Variants in BRINP3 observed in about 807,000 individuals in gnomAD.
BRINP3 encodes BMP/retinoic acid-inducible neural-specific protein 3.
Under a neutral mutation model 71.0 loss-of-function variants are expected in BRINP3, and 19 were observed. That is an observed-to-expected ratio of 0.27 (90% CI 0.19 to 0.39). BRINP3 has a LOEUF of 0.39. Among genes scored for constraint, BRINP3 ranks in the 10% least tolerant of loss-of-function variants. The pLI, the probability that BRINP3 is intolerant of heterozygous loss-of-function variation, is 1.00. For synonymous variants in BRINP3, 380 were observed against 337.7 expected (o/e 1.13, Z -1.37); for missense variants, 959 against 940.8 (o/e 1.02, Z -0.25).
At position 190,346,551 on chromosome 1, in the gene BRINP3, T is replaced by C. The variant is rs559346583; in HGVS notation, c.237-64801A>G. On this transcript the variant is annotated intron_variant, in intron 2 of 7. Coordinates refer to ENST00000367462, the MANE Select transcript of BRINP3 (RefSeq NM_199051.3). ...CTTATTCCTTGCCAAAGGATGTGCA[T>C]TTCTTGCCAATATCTACCTAATTGT... 2.6e-5 allele frequency among the ~76,000 whole-genome samples: 4 copies of C among 152,274 alleles called. No individual in the cohort carries two copies. In the South Asian group the frequency reaches 8.3e-4, roughly 32 times the overall value.
At chr1:190,472,975 G>A (rs575232482) in intron 1 of BRINP3, among the ~76,000 whole-genome samples, 24 of 151,826 alleles carry the variant, frequency 1.6e-4, no homozygotes, top group African/African-American at 5.5e-4. Flanking sequence ...AATTTCTTAA[G>A]ATAAGATATC....
At chr1:190,138,446 T>C (rs1051547379) in intron 7 of BRINP3, among the ~76,000 whole-genome samples, 1 of 152,114 alleles carries the variant, frequency 6.6e-6, no homozygotes, top group African/African-American at 2.4e-5. Context: ...CTTCCAGATA[T>C]GAAACAAGAA....
chr1:190,435,519 G>A (rs1674401347), intron 2 of BRINP3, among the ~76,000 whole-genome samples: 1 of 151,892 alleles, frequency 6.6e-6, no homozygotes, highest in African/African-American at 2.4e-5. Context: ...TATTATTATG[G>A]TTAGTTGGTT....
chr1:190,441,988 C>T (rs1441421147), intron 2 of BRINP3, among the ~76,000 whole-genome samples: 8 of 151,972 alleles, frequency 5.3e-5, no homozygotes, highest in Admixed American at 2.6e-4. Flanking sequence ...AAGATCATTA[C>T]TTTGAGTAGA....
At chr1:190,276,142 T>G (rs1662532968) in intron 3 of BRINP3, among the ~76,000 whole-genome samples, 1 of 151,626 alleles carries the variant, frequency 6.6e-6, no homozygotes, top group Admixed American at 6.6e-5. Flanking sequence ...TTTTCTTTCT[T>G]TTAAAACAAT....
intron 1 of BRINP3, among the ~76,000 whole-genome samples, chr1:190,464,161 A>G (rs1046088679): frequency 1.3e-5 from 2 of 151,862 alleles, no homozygotes; most frequent in African/African-American, 4.8e-5. Context: ...AAAAAAGTAA[A>G]CTAAAAGTTA....
rs748939297 is a variant in BRINP3 at position 190,098,003 on chromosome 1, G to T, written c.*15C>A. On this transcript the variant is annotated 3_prime_UTR_variant, in exon 8 of 8. Coordinates refer to ENST00000367462, the MANE Select transcript of BRINP3 (RefSeq NM_199051.3). The stretch of plus-strand genomic sequence containing the variant: ...AAACTCCTTCAAGATTTTGGGTTGT[G>T]CTTGACATTTATGGTTAACTACATA... 6.3e-7 allele frequency: 1 copy of T among 1,584,960 alleles called. No individual in the cohort carries two copies. Among genetic ancestry groups the T allele is most frequent in the Non-Finnish European group, 8.6e-7 (1 of 1,165,532 alleles).
At chr1:190,173,567 G>T (rs1462871473) in intron 6 of BRINP3, among the ~76,000 whole-genome samples, 1 of 152,142 alleles carries the variant, frequency 6.6e-6, no homozygotes, top group African/African-American at 2.4e-5. Flanking sequence ...GAGAAATAAA[G>T]AGCAAGAATG....
At chr1:190,197,536 G>A (rs187630321) in intron 6 of BRINP3, among the ~76,000 whole-genome samples, 34 of 152,204 alleles carry the variant, frequency 2.2e-4, no homozygotes, top group African/African-American at 2.9e-4. Context: ...ATTCCAAATC[G>A]GGGAAATTGG....
intron 7 of BRINP3, among the ~76,000 whole-genome samples, chr1:190,123,057 C>T (rs985671218): frequency 6.6e-6 from 1 of 152,114 alleles, no homozygotes; most frequent in Non-Finnish European, 1.5e-5. Context: ...CAAGATTTAC[C>T]TGTCTTCTCA....
At chr1:190,384,662 A>G (rs1007336666) in intron 2 of BRINP3, among the ~76,000 whole-genome samples, 1 of 151,986 alleles carries the variant, frequency 6.6e-6, no homozygotes, top group Admixed American at 6.6e-5. Flanking sequence ...AACTCTGTGA[A>G]GCTAATACTG....
chr1:190,256,994 T>C (rs1660722003), intron 4 of BRINP3, among the ~76,000 whole-genome samples: 1 of 152,176 alleles, frequency 6.6e-6, no homozygotes, highest in Admixed American at 6.5e-5. Context: ...GGAGTATCTT[T>C]GTGGTGTTCT....
chr1:190,098,475 C>G lies in BRINP3; in HGVS notation c.1844G>C (p.Gly615Ala). 6.2e-7 allele frequency: 1 copy of G among 1,614,014 alleles called. No individual in the cohort carries two copies. The highest frequency in any genetic ancestry group is 1.6e-4 in the Middle Eastern group (1 of 6,062). Residue 615 changes from glycine (G) to alanine (A), a missense_variant, in exon 8 of 8, where the codon GGG (glycine) becomes GCG (alanine). By Grantham distance (60) the Gly-to-Ala change is moderately conservative (BLOSUM62 0). Coordinates refer to ENST00000367462, the MANE Select transcript of BRINP3 (RefSeq NM_199051.3). ...LQCYNWTLTLGNKWKTFFETV... is the reference protein window; with the variant it reads ...LQCYNWTLTLANKWKTFFETV... ...CTCAAAAAATGTCTTCCATTTGTTC[C>G]CCAGAGTTAATGTCCAGTTATAACA...
intron 4 of BRINP3, among the ~76,000 whole-genome samples, chr1:190,249,177 A>T (rs1301451678): frequency 6.6e-6 from 1 of 151,816 alleles, no homozygotes; most frequent in Non-Finnish European, 1.5e-5. Flanking sequence ...TGTAGCTTAA[A>T]TAGAACAGCA....
At chr1:190,111,033 C>T (rs1028707543) in intron 7 of BRINP3, among the ~76,000 whole-genome samples, 9 of 151,572 alleles carry the variant, frequency 5.9e-5, no homozygotes, top group Non-Finnish European at 1.3e-4. Context: ...AAGAAATTAG[C>T]CGGGCGTGGT....
At chr1:190,169,645 T>G (rs975852541) in intron 6 of BRINP3, among the ~76,000 whole-genome samples, 2 of 152,178 alleles carry the variant, frequency 1.3e-5, no homozygotes, top group East Asian at 1.9e-4. Context: ...GAATGTCTAC[T>G]GTGTACCAAT....
intron 2 of BRINP3, among the ~76,000 whole-genome samples, chr1:190,434,052 A>C (rs1338977427): frequency 6.6e-6 from 1 of 152,148 alleles, no homozygotes; most frequent in Non-Finnish European, 1.5e-5. Context: ...TAAAATAACC[A>C]TGTCTTTTTG....
intron 2 of BRINP3, among the ~76,000 whole-genome samples, chr1:190,429,002 G>A (rs1310564756): frequency 6.6e-6 from 1 of 151,938 alleles, no homozygotes; most frequent in Non-Finnish European, 1.5e-5. Flanking sequence ...TGAAAATAAT[G>A]GAGGAAAATG....
chr1:190,266,876 A>T lies in BRINP3; in HGVS notation c.428-1821T>A, dbSNP rs552117210. 5.3e-5 allele frequency among the ~76,000 whole-genome samples: 8 copies of T among 152,352 alleles called. 1 individual carries two copies. In the South Asian group the frequency reaches 1.7e-3, roughly 32 times the overall value. On this transcript the variant is annotated intron_variant, in intron 3 of 7. Coordinates refer to ENST00000367462, the MANE Select transcript of BRINP3 (RefSeq NM_199051.3). The stretch of plus-strand genomic sequence containing the variant: ...TAAGGAAAATTAAAAATAAAATGAC[A>T]GAGACATCTTGGTAAATGTAGATTA...
Sources: allele counts gnomAD v4.1 joint callset (sites outside exome capture counted in the v4.1 genomes callset), GRCh38; gene constraint gnomAD v4.1.1; transcripts MANE v1.5; gene names NCBI Gene and HGNC (gene_info 2026-07-23, HGNC 2026-07-21).